The following SLCO5A1 variants were observed in gnomAD, a reference collection of about 807,000 sequenced individuals.
SLCO5A1 encodes the protein solute carrier organic anion transporter family member 5A1, also known as organic anion transporter polypeptide-related protein 4.
Under a neutral mutation model 65.1 loss-of-function variants are expected in SLCO5A1, and 39 were observed. The ratio of observed to expected loss-of-function variants is 0.60; its 90% CI spans 0.46 to 0.78. The LOEUF (loss-of-function observed/expected upper bound fraction) is 0.78. Among genes scored for constraint, SLCO5A1 ranks in the 30% least tolerant of loss-of-function variants. The pLI, the probability that SLCO5A1 is intolerant of heterozygous loss-of-function variation, is 0.00. For synonymous variants in SLCO5A1, 438 were observed against 415.7 expected (o/e 1.05, Z -0.65); for missense variants, 1,029 against 1,069.4 (o/e 0.96, Z 0.53).
chr8:69,772,655 A>AAAGGAAAGGAAAGGG (rs1563715542), intron 2 of SLCO5A1, among the ~76,000 whole-genome samples: 1 of 150,866 alleles, frequency 6.6e-6, no homozygotes, highest in Non-Finnish European at 1.5e-5. Flanking sequence ...AAAGGAAAGG[A>AAAGGAAAGGAAAGGG]AAAGAAATGA....
At chr8:69,809,451 T>C (rs939816139) in intron 2 of SLCO5A1, among the ~76,000 whole-genome samples, 2 of 152,216 alleles carry the variant, frequency 1.3e-5, no homozygotes, top group Non-Finnish European at 2.9e-5. Flanking sequence ...AAATGTTTTG[T>C]ATGGCACCTA....
chr8:69,740,867 C>T (rs1490344279), intron 4 of SLCO5A1, among the ~76,000 whole-genome samples: 1 of 152,188 alleles, frequency 6.6e-6, no homozygotes, highest in Non-Finnish European at 1.5e-5. Flanking sequence ...AAGCAAAAAT[C>T]TAATAGGAAT....
chr8:69,769,944 T>A (rs1818243941), intron 2 of SLCO5A1, among the ~76,000 whole-genome samples: 1 of 152,194 alleles, frequency 6.6e-6, no homozygotes, highest in Non-Finnish European at 1.5e-5. Context: ...TTTTAAAAAA[T>A]CACCACAATC....
Position 69,766,507 on chromosome 8 carries a change from G to T in SLCO5A1, c.908-4632C>A, listed in dbSNP as rs541087620. ...AGTTGCTCTGTGTGCACATGTGTGT[G>T]TTTGTGTGTGTGTGTGTATGCATGT... On this transcript the variant is annotated intron_variant, in intron 2 of 9. Coordinates refer to ENST00000260126, the MANE Select transcript of SLCO5A1 (RefSeq NM_030958.3). Among the ~76,000 whole-genome samples, 210 of 152,044 alleles carry T rather than the reference G, an allele frequency of 1.4e-3. 2 individuals carry two copies. The highest frequency in any genetic ancestry group is 2.0e-3 in the Non-Finnish European group (136 of 67,990).
chr8:69,704,092 G>T (rs1331994859), intron 6 of SLCO5A1, among the ~76,000 whole-genome samples: 2 of 152,000 alleles, frequency 1.3e-5, no homozygotes, highest in Non-Finnish European at 2.9e-5. Context: ...GTATAAATGG[G>T]TTACCACTAT....
intron 2 of SLCO5A1, among the ~76,000 whole-genome samples, chr8:69,830,335 A>C (rs1821105862): frequency 6.6e-6 from 1 of 152,166 alleles, no homozygotes; most frequent in Non-Finnish European, 1.5e-5. Context: ...AAATTGCTAA[A>C]TATAGCTAGT....
chr8:69,767,862 C>A (rs189951595), intron 2 of SLCO5A1, among the ~76,000 whole-genome samples: 158 of 141,100 alleles, frequency 1.1e-3, no homozygotes, highest in Middle Eastern at 8.1e-3. Context: ...TGCAGTCCAG[C>A]CTGGGTGACA....
In SLCO5A1 at chr8:69,751,884, T is replaced by C. The variant is rs139356594; in HGVS notation, c.1258+3540A>G. ...TTTAAGGAAGTATAAGTTACCAACT[T>C]CTACCTCCTCTTTGAAGGTACTAAT... On this transcript the variant is annotated intron_variant, in intron 4 of 9. Coordinates refer to ENST00000260126, the MANE Select transcript of SLCO5A1 (RefSeq NM_030958.3). 3.9e-5 allele frequency among the ~76,000 whole-genome samples: 6 copies of C among 152,298 alleles called. No individual in the cohort carries two copies. In the East Asian group the frequency reaches 9.7e-4, roughly 25 times the overall value.
chr8:69,741,152 G>A (rs1816773981), intron 4 of SLCO5A1, among the ~76,000 whole-genome samples: 1 of 152,136 alleles, frequency 6.6e-6, no homozygotes, highest in Non-Finnish European at 1.5e-5. Flanking sequence ...TTTTGTTGGT[G>A]ATCTCATTGT....
chr8:69,818,301 G>A (rs751615245), intron 2 of SLCO5A1, among the ~76,000 whole-genome samples: 3 of 152,214 alleles, frequency 2.0e-5, no homozygotes, highest in Admixed American at 6.5e-5. Flanking sequence ...ACTGAAAAGG[G>A]CCAAATATCT....
rs1813310422 is a variant in SLCO5A1 at position 69,670,865 on chromosome 8, A to C, written c.*2004T>G. Reference sequence around the variant, plus strand: ...TCTACATATCTTTAACTCCCACACCAAAGGAAAATTTCTCCTTTAAAGGAT... The same window carrying C: ...TCTACATATCTTTAACTCCCACACCCAAGGAAAATTTCTCCTTTAAAGGAT... On this transcript the variant is annotated 3_prime_UTR_variant, in exon 10 of 10. Coordinates refer to ENST00000260126, the MANE Select transcript of SLCO5A1 (RefSeq NM_030958.3). The C allele has an allele frequency of 6.6e-6, 1 of 152,218 alleles. No individual in the cohort carries two copies. The highest frequency in any genetic ancestry group is 2.4e-5 in the African/African-American group (1 of 41,432). The allele number at this position is 152,218 out of a possible 1,614,324, so 9.4% of individuals were successfully genotyped here. A position where few individuals can be genotyped will look rare whatever the true frequency, so the allele number is the denominator to read the frequency against.
In SLCO5A1 at chr8:69,757,060, C is replaced by A. The variant is rs1817568266; in HGVS notation, c.1041-1419G>T. Reference sequence around the variant, plus strand: ...ATAGATCCATTGCAAAGTGAAAATTCATTTTTTAAAATAATGTTTCTATTA... The same window carrying A: ...ATAGATCCATTGCAAAGTGAAAATTAATTTTTTAAAATAATGTTTCTATTA... On this transcript the variant is annotated intron_variant, in intron 3 of 9. Coordinates refer to ENST00000260126, the MANE Select transcript of SLCO5A1 (RefSeq NM_030958.3). Among the ~76,000 whole-genome samples, 7 of 152,316 alleles carry A rather than the reference C, an allele frequency of 4.6e-5. No individual in the cohort carries two copies. In the South Asian group the frequency reaches 1.4e-3, roughly 32 times the overall value.
In SLCO5A1 at chr8:69,669,948, G is replaced by A. The variant is rs1813282614; in HGVS notation, c.*2921C>T. 1 of 151,976 alleles carries A rather than the reference G, an allele frequency of 6.6e-6. No individual in the cohort carries two copies. Among genetic ancestry groups the A allele is most frequent in the Non-Finnish European group, 1.5e-5 (1 of 68,016 alleles). The allele number at this position is 151,976 out of a possible 1,614,324, so 9.4% of individuals were successfully genotyped here. On this transcript the variant is annotated 3_prime_UTR_variant, in exon 10 of 10. Coordinates refer to ENST00000260126, the MANE Select transcript of SLCO5A1 (RefSeq NM_030958.3). The stretch of plus-strand genomic sequence containing the variant: ...ACAAATGCTAATTTTTTTCCTCTCT[G>A]TTCCTCCTTTCTCTCCATCCCCAAC...
chr8:69,832,466 G>C lies in SLCO5A1; in HGVS notation c.208C>G (p.Gln70Glu). The C allele has an allele frequency of 1.2e-6, 2 of 1,612,984 alleles. No individual in the cohort carries two copies. Among genetic ancestry groups the C allele is most frequent in the East Asian group, 4.5e-5 (2 of 44,864 alleles). ...GGGTTCGGGCCTTGCTTCAACTCCT[G>C]GTGGCCCGAAGAATCCACACAGCCA... ...AFGCVDSSGH[Q>E]ELKQGPNPLA... is the part of the protein sequence containing the mutation. Residue 70 changes from glutamine (Q) to glutamate (E), a missense_variant, in exon 2 of 10, where the codon CAG becomes GAG. Gln to Glu is a conservative substitution (Grantham distance 29, BLOSUM62 2). Coordinates refer to ENST00000260126, the MANE Select transcript of SLCO5A1 (RefSeq NM_030958.3). The surrounding 1 kb of genome is among the most constrained non-coding windows in gnomAD (Gnocchi z 4.5).
chr8:69,813,173 A>C (rs1308847228), intron 2 of SLCO5A1, among the ~76,000 whole-genome samples: 1 of 152,190 alleles, frequency 6.6e-6, no homozygotes, highest in Non-Finnish European at 1.5e-5. Context: ...AGTCTTACTC[A>C]CTTAAATTTC....
chr8:69,682,599 C>T (rs181734151), intron 6 of SLCO5A1, among the ~76,000 whole-genome samples: 173 of 152,326 alleles, frequency 1.1e-3, no homozygotes, highest in Non-Finnish European at 1.9e-3. Context: ...ATTTCACCCT[C>T]CCTCTTGGTG....
chr8:69,766,893 A>G (rs1337540364), intron 2 of SLCO5A1, among the ~76,000 whole-genome samples: 1 of 151,996 alleles, frequency 6.6e-6, no homozygotes. Context: ...CAAGCTCGTT[A>G]CTCTCACTGC....
chr8:69,701,165 T>C (rs1197564896), intron 6 of SLCO5A1, among the ~76,000 whole-genome samples: 1 of 152,114 alleles, frequency 6.6e-6, no homozygotes, highest in African/African-American at 2.4e-5. Context: ...TTTTGAGCTC[T>C]CAGAGGGTGT....
intron 2 of SLCO5A1, among the ~76,000 whole-genome samples, chr8:69,783,085 T>G (rs1818867383): frequency 6.6e-6 from 1 of 152,178 alleles, no homozygotes; most frequent in South Asian, 2.1e-4. Context: ...CCCTTCACAC[T>G]AAATGCTCAT....
Sources: gnomAD v4.1 joint callset for allele counts (sites outside exome capture counted in the v4.1 genomes callset) on GRCh38, gnomAD v4.1.1 for gene constraint, Gnocchi (gnomAD v3.1) non-coding constraint, MANE v1.5 for transcripts, NCBI Gene and HGNC (gene_info 2026-07-23, HGNC 2026-07-21) for gene names.